Variants in ZSCAN9 observed in about 807,000 individuals in gnomAD.
ZSCAN9 encodes the protein zinc finger and SCAN domain containing 9.
Under a neutral mutation model 23.0 loss-of-function variants are expected in ZSCAN9, and 19 were observed. The ratio of observed to expected loss-of-function variants is 0.83; its 90% confidence interval spans 0.58 to 1.21. The LOEUF is 1.21. Among genes scored for constraint, ZSCAN9 ranks in the 50% most tolerant of loss-of-function variants. The pLI is 0.00. For synonymous variants in ZSCAN9, 155 were observed against 164.8 expected, an observed-to-expected ratio of 0.94 and a Z score of 0.46; for missense variants, 467 against 471.5, an observed-to-expected ratio of 0.99 and a Z score of 0.09.
intron 3 of ZSCAN9, chr6:28,228,129 C>A: frequency 3.0e-6 from 2 of 668,464 alleles, no homozygotes; most frequent in Non-Finnish European, 5.3e-6. Flanking sequence ...CAAGGTTTGA[C>A]AGACAGGTTC....
chr6:28,229,317 G>A (rs1437329699), intron 3 of ZSCAN9: 1 of 152,114 alleles, frequency 6.6e-6, no homozygotes, highest in African/African-American at 2.4e-5. Context: ...CTCTCTCTAT[G>A]AACTTGGACC....
At position 28,227,251 on chromosome 6, in the gene ZSCAN9, G is replaced by A. The variant is rs751336512; in HGVS notation, c.167G>A (p.Arg56Gln). 7.4e-6 allele frequency: 12 copies of A among 1,614,090 alleles called. No homozygotes were observed. Among genetic ancestry groups the A allele is most frequent in the Non-Finnish European group, 9.3e-6 (11 of 1,180,048 alleles). Residue 56 changes from arginine to glutamine, a missense_variant, in exon 2 of 4, where the codon CGA becomes CAA. Physicochemically the swap from Arg to Gln is conservative, Grantham distance 43 (BLOSUM62 1). Transcript: ENST00000252207. ...LAREIFRRHFRQLCYQETPGP... is the reference protein window; with the variant it reads ...LAREIFRRHFQQLCYQETPGP... The stretch of plus-strand genomic sequence containing the variant: ...AGGGAAATCTTCCGAAGGCACTTTC[G>A]ACAGCTGTGCTACCAAGAGACCCCT...
intron 3 of ZSCAN9, among the ~76,000 whole-genome samples, chr6:28,229,860 CTT>C (rs754834015): frequency 1.5e-4 from 21 of 140,564 alleles, no homozygotes; most frequent in Non-Finnish European, 1.6e-4. Context: ...CCATATTTTT[CTT>C]TTTTTTTTTT....
intron 3 of ZSCAN9, 57 bp from the exon 4 acceptor site, chr6:28,232,505 C>T: frequency 6.5e-7 from 1 of 1,548,476 alleles, no homozygotes. Context: ...GACATAGTCA[C>T]CTTCCCATAG....
chr6:28,233,251 C>T lies in ZSCAN9; in HGVS notation c.*73C>T. ...GGCAGGTTGAGACTAGAAAATGCCT[C>T]TTTCTTCCTTTCTCCATGAAATGTG... On this transcript the variant is annotated 3_prime_UTR_variant, in exon 4 of 4. Transcript: ENST00000252207. 6.5e-7 allele frequency: 1 copy of T among 1,529,782 alleles called. No individual in the cohort carries two copies. The highest frequency in any genetic ancestry group is 2.3e-5 in the East Asian group (1 of 44,210). 94.8% of individuals were successfully genotyped at this position (1,529,782 alleles called of 1,614,324 possible). A position where few individuals can be genotyped will look rare whatever the true frequency, so the allele number is the denominator to read the frequency against.
chr6:28,231,679 G>A lies in ZSCAN9; in HGVS notation c.569-883G>A, dbSNP rs1266005090. On this transcript the variant is annotated intron_variant, in intron 3 of 3. Transcript: ENST00000252207. ...TGAGGCAGGAGAATCGCTTGAATCC[G>A]GGAAGCGGAGATTACAGTGAGCCAA... is the stretch of plus-strand genomic sequence containing the variant. 6.6e-5 allele frequency among the ~76,000 whole-genome samples: 10 copies of A among 151,820 alleles called. No homozygotes were observed. In the East Asian group the frequency reaches 1.6e-3, roughly 24 times the overall value.
Position 28,227,735 on chromosome 6 carries a change from G to C in ZSCAN9, c.466G>C (p.Val156Leu). 1 of 1,610,808 alleles carries C rather than the reference G, an allele frequency of 6.2e-7. No homozygotes were observed. The highest frequency in any genetic ancestry group is 1.1e-5 in the South Asian group (1 of 90,450). Reference sequence around the variant, plus strand: ...ACAAGAAGTCCTCTGTAAAGAGATGGTGCCTCTAGCAGAGCAGACACCACT... The same window carrying C: ...ACAAGAAGTCCTCTGTAAAGAGATGCTGCCTCTAGCAGAGCAGACACCACT... ...HRQEVLCKEMVPLAEQTPLTL... is the reference protein window; with the variant it reads ...HRQEVLCKEMLPLAEQTPLTL... Residue 156 changes from valine to leucine, a missense_variant, in exon 3 of 4, where the codon GTG (valine) becomes CTG (leucine). By Grantham distance (32) the Val-to-Leu change is conservative. Transcript: ENST00000252207.
chr6:28,226,677 C>T (rs1479730011), intron 1 of ZSCAN9, among the ~76,000 whole-genome samples: 1 of 152,080 alleles, frequency 6.6e-6, no homozygotes, highest in Non-Finnish European at 1.5e-5. Context: ...GACGTAATCC[C>T]AGCACTTTGG....
At chr6:28,230,374 C>A in intron 3 of ZSCAN9, 1 of 1,535,936 alleles carries the variant, frequency 6.5e-7, no homozygotes, top group Non-Finnish European at 8.7e-7. Flanking sequence ...AGTACTGATC[C>A]CACTTGGGGC....
In ZSCAN9 at chr6:28,232,996, G is replaced by C; in HGVS notation, c.1003G>C (p.Glu335Gln). The change falls in exon 4 of 4, where the codon GAA (glutamate) becomes CAA (glutamine). Residue 335 changes from glutamate (E) to glutamine (Q), a missense_variant. By Grantham distance (29) the Glu-to-Gln change is conservative (BLOSUM62 2). Transcript: ENST00000252207. ...LIQHQRIHKGEKPYQCSQCSK... is the reference protein window; with the variant it reads ...LIQHQRIHKGQKPYQCSQCSK... ...CCAGCATCAGAGAATCCACAAAGGA[G>C]AAAAGCCGTATCAGTGCAGCCAGTG... is the stretch of plus-strand genomic sequence containing the variant. 6 of 1,614,154 alleles carry C rather than the reference G, an allele frequency of 3.7e-6. No homozygotes were observed. The highest frequency in any genetic ancestry group is 5.1e-6 in the Non-Finnish European group (6 of 1,180,026).
intron 3 of ZSCAN9, among the ~76,000 whole-genome samples, chr6:28,229,633 T>C (rs1318433661): frequency 6.6e-6 from 1 of 152,190 alleles, no homozygotes; most frequent in Non-Finnish European, 1.5e-5. Context: ...AGTTCCAGCT[T>C]TTCAAATTCT....
intron 3 of ZSCAN9, chr6:28,228,219 A>G (rs898697651): frequency 3.4e-6 from 2 of 588,312 alleles, no homozygotes; most frequent in Admixed American, 6.5e-5. Flanking sequence ...CTCATCTACA[A>G]AATGGGGTTG....
In ZSCAN9 at chr6:28,227,836, A is replaced by G. The variant is rs1380131717; in HGVS notation, c.567A>G (p.Thr189=). Residue 189 remains threonine (T), a splice_region_variant and synonymous_variant, in exon 3 of 4, where the codon ACA becomes ACG. Coordinates refer to ENST00000252207, the MANE Select transcript of ZSCAN9 (RefSeq NM_006299.5). The part of the protein sequence containing the change: ...SAQKCHSIGE[T]DEVTKTEDRE... Reference sequence around the variant, plus strand: ...AGAAGTGCCATTCTATTGGAGAGACAGGTGAGGGACAGCATTTATTTGATG... The same window carrying G: ...AGAAGTGCCATTCTATTGGAGAGACGGGTGAGGGACAGCATTTATTTGATG... 6.2e-7 allele frequency: 1 copy of G among 1,613,258 alleles called. No individual in the cohort carries two copies. The highest frequency in any genetic ancestry group is 8.5e-7 in the Non-Finnish European group (1 of 1,179,778).
At chr6:28,225,420 GA>G in intron 1 of ZSCAN9, 54 bp downstream of exon 1, 1 of 152,554 alleles carries the variant, frequency 6.6e-6, no homozygotes, top group African/African-American at 2.4e-5. Context: ...GGTGGGGCTG[GA>G]AAAGGGGTGT....
At chr6:28,228,644 G>A (rs1189576528) in intron 3 of ZSCAN9, 2 of 154,438 alleles carry the variant, frequency 1.3e-5, no homozygotes, top group African/African-American at 2.4e-5. Context: ...AAGTCATTGT[G>A]AGTATCAAAT....
chr6:28,232,792 T>C lies in ZSCAN9; in HGVS notation c.799T>C (p.Ser267Pro). The stretch of plus-strand genomic sequence containing the variant: ...ATGTGGGAAGAGCTTTACTCAGAGC[T>C]CAGGTCTCATTCGACATCAAAGAAT... Reference protein sequence around the residue: ...DECGKSFTQSSGLIRHQRIHT... With the variant: ...DECGKSFTQSPGLIRHQRIHT... The change falls in exon 4 of 4, where the codon TCA (serine) becomes CCA (proline). Residue 267 changes from serine to proline, a missense_variant. Coordinates refer to ENST00000252207, the MANE Select transcript of ZSCAN9 (RefSeq NM_006299.5). 1.2e-6 allele frequency: 2 copies of C among 1,614,204 alleles called. No homozygotes were observed. The highest frequency in any genetic ancestry group is 2.2e-5 in the South Asian group (2 of 91,076).
rs1212777180 is a variant in ZSCAN9, at chr6:28,227,861, G to A, written c.568+24G>A. On this transcript the variant is annotated intron_variant, in intron 3 of 3. Transcript: ENST00000252207. ...AGGTGAGGGACAGCATTTATTTGAT[G>A]TTGAACGAATCCCACCTGGTCAAGC... 4 of 1,613,044 alleles carry A rather than the reference G, an allele frequency of 2.5e-6. No individual in the cohort carries two copies. The African/African-American group carries it at 4.0e-5, about 16-fold the overall frequency.
chr6:28,227,867 C>T lies in ZSCAN9; in HGVS notation c.568+30C>T, dbSNP rs372332815. The stretch of plus-strand genomic sequence containing the variant: ...GGGACAGCATTTATTTGATGTTGAA[C>T]GAATCCCACCTGGTCAAGCAAAAAC... On this transcript the variant is annotated intron_variant, in intron 3 of 3. Coordinates refer to ENST00000252207, the MANE Select transcript of ZSCAN9 (RefSeq NM_006299.5). 4.7e-4 allele frequency: 756 copies of T among 1,612,360 alleles called. 8 individuals are homozygous for T. In the South Asian group the frequency reaches 6.8e-3, roughly 14 times the overall value.
Position 28,232,594 on chromosome 6 carries a change from G to T in ZSCAN9, c.601G>T (p.Val201Leu). ...EVTKTEDRELVLRKDCPKIVE... is the reference protein window; with the variant it reads ...EVTKTEDRELLLRKDCPKIVE... ...AACCAAGACTGAGGACAGAGAGTTG[G>T]TGCTAAGGAAAGACTGTCCTAAGAT... Residue 201 changes from valine (V) to leucine (L), a missense_variant, in exon 4 of 4, where the codon GTG becomes TTG. Transcript: ENST00000252207. The T allele has an allele frequency of 6.2e-7, 1 of 1,614,058 alleles. No individual in the cohort carries two copies. Among genetic ancestry groups the T allele is most frequent in the Non-Finnish European group, 8.5e-7 (1 of 1,179,932 alleles).
Sources: allele counts gnomAD v4.1 joint callset (sites outside exome capture counted in the v4.1 genomes callset), GRCh38; gene constraint gnomAD v4.1.1; transcripts MANE v1.5; gene names NCBI Gene and HGNC (gene_info 2026-07-23, HGNC 2026-07-21).